The following TSHZ2 variants were observed in gnomAD, a reference collection of about 807,000 sequenced individuals.
TSHZ2 encodes teashirt homolog 2.
Under a neutral mutation model 74.4 loss-of-function variants are expected in TSHZ2, and 21 were observed. The ratio of observed to expected loss-of-function variants is 0.28; its 90% confidence interval spans 0.20 to 0.41. TSHZ2 has a LOEUF of 0.41. Among genes scored for constraint, TSHZ2 ranks in the 10% least tolerant of loss-of-function variants. The pLI, the probability that TSHZ2 is intolerant of heterozygous loss-of-function variation, is 1.00. For synonymous variants in TSHZ2, 540 were observed against 515.3 expected, an observed-to-expected ratio of 1.05 and a Z score of -0.65; for missense variants, 1,244 against 1,293.5, an observed-to-expected ratio of 0.96 and a Z score of 0.59.
At chr20:52,986,127 C>T (rs953702299) in intron 1 of TSHZ2, among the ~76,000 whole-genome samples, 6 of 152,122 alleles carry the variant, frequency 3.9e-5, no homozygotes, top group Non-Finnish European at 7.3e-5. Flanking sequence ...CACAGTGGCT[C>T]ACGCCTGTAA....
intron 1 of TSHZ2, among the ~76,000 whole-genome samples, chr20:53,061,980 G>A (rs1010742883): frequency 1.3e-5 from 2 of 152,004 alleles, no homozygotes; most frequent in African/African-American, 4.8e-5. Context: ...AGTAAGTCTG[G>A]GCTGAAGTTA....
chr20:53,062,217 C>T (rs531234197), intron 1 of TSHZ2, among the ~76,000 whole-genome samples: 1 of 152,276 alleles, frequency 6.6e-6, no homozygotes, highest in Non-Finnish European at 1.5e-5. Context: ...ATTAATTGTG[C>T]CTTCCCTACA....
At chr20:53,188,866 T>C (rs1458852656) in intron 1 of TSHZ2, among the ~76,000 whole-genome samples, 1 of 152,200 alleles carries the variant, frequency 6.6e-6, no homozygotes, top group African/African-American at 2.4e-5. Context: ...TTAAATTATA[T>C]ACCTACTGTA....
chr20:53,229,919 GAAGA>G (rs1989781942), intron 1 of TSHZ2, among the ~76,000 whole-genome samples: 1 of 149,360 alleles, frequency 6.7e-6, no homozygotes, highest in Admixed American at 6.7e-5. Flanking sequence ...AAAAGAGAAA[GAAGA>G]AGGAAGAGAA....
Position 53,262,342 on chromosome 20 carries a change from G to A in TSHZ2, c.*8+5771G>A, listed in dbSNP as rs190635752. Among the ~76,000 whole-genome samples, 30 of 152,042 alleles carry A rather than the reference G, an allele frequency of 2.0e-4. 1 individual carries two copies. Among genetic ancestry groups the A allele is most frequent in the South Asian group, 6.2e-4 (3 of 4,808 alleles). ...CATGCAGAACTGAAATCTCTCTAAC[G>A]CATTGACACTAACTTGCCCTCTATT... On this transcript the variant is annotated intron_variant, in intron 2 of 2. Coordinates refer to ENST00000371497, the MANE Select transcript of TSHZ2 (RefSeq NM_173485.6).
At chr20:53,406,390 G>T (rs1188242686) in intron 2 of TSHZ2, among the ~76,000 whole-genome samples, 1 of 152,186 alleles carries the variant, frequency 6.6e-6, no homozygotes, top group African/African-American at 2.4e-5. Flanking sequence ...ATTTTGAAAA[G>T]GATATTCTGG....
In TSHZ2 at chr20:53,492,775, T is replaced by G. The variant is rs1033562321; in HGVS notation, c.*5640T>G. The G allele has an allele frequency of 1.3e-5, 2 of 152,230 alleles. No homozygotes were observed. Among genetic ancestry groups the G allele is most frequent in the Admixed American group, 6.5e-5 (1 of 15,282 alleles). The allele number at this position is 152,230 out of a possible 1,614,324, so 9.4% of individuals were successfully genotyped here. Reference sequence around the variant, plus strand: ...CTCCCTTGCATTAATTCTAGATTTTTTTTTAATTTCTTTTAGAAAGGGCAG... The same window carrying G: ...CTCCCTTGCATTAATTCTAGATTTTGTTTTAATTTCTTTTAGAAAGGGCAG... On this transcript the variant is annotated 3_prime_UTR_variant, in exon 3 of 3. Coordinates refer to ENST00000371497, the MANE Select transcript of TSHZ2 (RefSeq NM_173485.6).
At chr20:53,261,175 C>T (rs1322857452) in intron 2 of TSHZ2, among the ~76,000 whole-genome samples, 1 of 152,170 alleles carries the variant, frequency 6.6e-6, no homozygotes, top group East Asian at 1.9e-4. Flanking sequence ...GCTGGATGTA[C>T]CTCCAACAGC....
At chr20:53,050,126 C>CATATATATATAT (rs57820338) in intron 1 of TSHZ2, among the ~76,000 whole-genome samples, 3 of 100,992 alleles carry the variant, frequency 3.0e-5, no homozygotes, top group African/African-American at 1.2e-4. Context: ...TATATATATA[C>CATATATATATAT]ACATATATAT....
rs568575425 is a variant in TSHZ2 at position 53,231,265 on chromosome 20, C to T, written c.41-22234C>T. Among the ~76,000 whole-genome samples, 3 of 152,292 alleles carry T rather than the reference C, an allele frequency of 2.0e-5. No homozygotes were observed. The South Asian group carries it at 6.2e-4, about 32-fold the overall frequency. ...ACAGAATATAGGGCATTCTTGACAT[C>T]CTGCATATACAAATCATTGAATGTC... On this transcript the variant is annotated intron_variant, in intron 1 of 2. Transcript: ENST00000371497.
chr20:53,469,084 T>TATATATATATATATATATATATAC (rs1351403317), intron 2 of TSHZ2, among the ~76,000 whole-genome samples: 1 of 132,346 alleles, frequency 7.6e-6, no homozygotes, highest in African/African-American at 2.7e-5. Context: ...TATATATATA[T>TATATATATATATATATATATATAC]GTACATATTC....
rs370782826 is a variant in TSHZ2, at chr20:53,247,014, A to G, written c.41-6485A>G. 5.9e-5 allele frequency among the ~76,000 whole-genome samples: 9 copies of G among 152,314 alleles called. No homozygotes were observed. The South Asian group carries it at 1.5e-3, about 25-fold the overall frequency. On this transcript the variant is annotated intron_variant, in intron 1 of 2. Coordinates refer to ENST00000371497, the MANE Select transcript of TSHZ2 (RefSeq NM_173485.6). ...CAGAAACCTCCCCATTTATCTCCGC[A>G]GAGTACTCATGGGCTCAGGATGGCC...
chr20:53,123,131 G>A (rs1986857760), intron 1 of TSHZ2, among the ~76,000 whole-genome samples: 1 of 152,188 alleles, frequency 6.6e-6, no homozygotes, highest in Admixed American at 6.5e-5. Flanking sequence ...CATCAGCTCT[G>A]TGCTGGATCT....
chr20:53,226,415 AGT>A (rs1197700845), intron 1 of TSHZ2, among the ~76,000 whole-genome samples: 1 of 150,606 alleles, frequency 6.6e-6, no homozygotes, highest in Non-Finnish European at 1.5e-5. Flanking sequence ...ATTGTCATGA[AGT>A]GTGTGGGTCG....
chr20:53,092,742 T>C (rs1186264600), intron 1 of TSHZ2, among the ~76,000 whole-genome samples: 2 of 152,250 alleles, frequency 1.3e-5, no homozygotes. Flanking sequence ...TCTGGGACAG[T>C]GGCACTCATG....
intron 1 of TSHZ2, among the ~76,000 whole-genome samples, chr20:53,092,843 A>G (rs145756954): frequency 2.6e-5 from 4 of 152,260 alleles, no homozygotes; most frequent in Admixed American, 2.6e-4. Flanking sequence ...CTTTTTCTGT[A>G]AAAGGGCAGT....
chr20:53,106,245 C>T (rs192738867), intron 1 of TSHZ2, among the ~76,000 whole-genome samples: 19 of 152,214 alleles, frequency 1.2e-4, no homozygotes, highest in South Asian at 4.2e-4. Flanking sequence ...GATCCTCCCA[C>T]GCTCCAGCCT....
At chr20:53,158,980 A>G (rs1387768626) in intron 1 of TSHZ2, among the ~76,000 whole-genome samples, 3 of 152,246 alleles carry the variant, frequency 2.0e-5, no homozygotes, top group Admixed American at 6.5e-5. Context: ...ATTTTATTTC[A>G]TAACTATACA....
At chr20:53,354,635 CAG>C (rs899274565) in intron 2 of TSHZ2, among the ~76,000 whole-genome samples, 6 of 152,154 alleles carry the variant, frequency 3.9e-5, no homozygotes, top group Non-Finnish European at 7.3e-5. Flanking sequence ...TTTTTAGTCA[CAG>C]AGAAATTCCG....
Sources: allele counts gnomAD v4.1 joint callset (sites outside exome capture counted in the v4.1 genomes callset), GRCh38; gene constraint gnomAD v4.1.1; transcripts MANE v1.5; gene names NCBI Gene and HGNC (gene_info 2026-07-23, HGNC 2026-07-21).